CA8: variants seen among roughly 807,000 people sequenced by gnomAD.
The protein encoded by CA8 is carbonic anhydrase 8 (inactive), also known as carbonic anhydrase-related protein.
In CA8, 22 loss-of-function variants were observed where a neutral mutation model predicts 41.4. The observed-to-expected ratio is 0.53, with a 90% CI of 0.38 to 0.76. CA8 has a LOEUF of 0.76. Among genes scored for constraint, CA8 ranks in the 30% least tolerant of loss-of-function variants. The pLI, the probability that CA8 is intolerant of heterozygous loss-of-function variation, is 0.00. For missense variants in CA8, 270 were observed against 352.8 expected (o/e 0.77, Z 1.88); for synonymous variants, 121 against 130.6 (o/e 0.93, Z 0.50).
intron 8 of CA8, among the ~76,000 whole-genome samples, chr8:60,207,432 C>T (rs116061655): frequency 1.2e-4 from 18 of 152,218 alleles, no homozygotes; most frequent in African/African-American, 4.1e-4. Flanking sequence ...GACCAGAGTC[C>T]GCTATTGCAG....
chr8:60,215,358 T>TACACACACACACACACACACAC (rs144232916), intron 7 of CA8, among the ~76,000 whole-genome samples: 1 of 144,102 alleles, frequency 6.9e-6, no homozygotes, highest in Non-Finnish European at 1.5e-5. Context: ...TGTGTGTGTA[T>TACACACACACACACACACACAC]ACACACACAC....
intron 3 of CA8, among the ~76,000 whole-genome samples, chr8:60,254,306 G>A (rs767958350): frequency 6.6e-6 from 1 of 152,184 alleles, no homozygotes; most frequent in Non-Finnish European, 1.5e-5. Flanking sequence ...AAGAGAAAGA[G>A]CAACCACAGA....
chr8:60,201,224 T>A (rs529814424), intron 8 of CA8, among the ~76,000 whole-genome samples: 2 of 152,212 alleles, frequency 1.3e-5, no homozygotes, highest in African/African-American at 4.8e-5. Context: ...TTGACACATC[T>A]AAAAGAAAAG....
chr8:60,234,739 A>T (rs992910411), intron 3 of CA8, among the ~76,000 whole-genome samples: 2 of 152,026 alleles, frequency 1.3e-5, no homozygotes, highest in Non-Finnish European at 2.9e-5. Context: ...TTCAATAACC[A>T]CCTGAGTCTT....
intron 3 of CA8, among the ~76,000 whole-genome samples, chr8:60,245,286 A>C (rs936795663): frequency 6.6e-6 from 1 of 152,182 alleles, no homozygotes; most frequent in African/African-American, 2.4e-5. Flanking sequence ...CAAAAAAAAA[A>C]ATTATCTTAA....
rs377529327 is a variant in CA8, at chr8:60,281,177, C to T, written c.-30G>A. On this transcript the variant is annotated 5_prime_UTR_variant, in exon 1 of 9. Coordinates refer to ENST00000317995, the MANE Select transcript of CA8 (RefSeq NM_004056.6). ...AGGCCGCGGGGCCCCTCGGCGCTCT[C>T]GGCAGCAGTGCCTGCGCCTTCGCTG... is the stretch of plus-strand genomic sequence containing the variant. 2.0e-6 allele frequency: 3 copies of T among 1,480,748 alleles called. No homozygotes were observed. The highest frequency in any genetic ancestry group is 3.9e-5 in the Admixed American group (2 of 50,968). 91.7% of individuals were successfully genotyped at this position (1,480,748 alleles called of 1,614,324 possible).
intron 7 of CA8, among the ~76,000 whole-genome samples, chr8:60,218,083 A>G (rs2130452303): frequency 6.6e-6 from 1 of 152,286 alleles, no homozygotes. Flanking sequence ...ACTTACCGCA[A>G]GCGTTCCCCA....
At chr8:60,232,478 C>A in intron 3 of CA8, 99 bp from the exon 4 acceptor site, 1 of 837,402 alleles carries the variant, frequency 1.2e-6, no homozygotes, top group South Asian at 1.3e-5. Context: ...TATATGGTAT[C>A]ACATACCACA....
chr8:60,252,924 A>T (rs1343864000), intron 3 of CA8, among the ~76,000 whole-genome samples: 2 of 152,160 alleles, frequency 1.3e-5, no homozygotes, highest in African/African-American at 4.8e-5. Flanking sequence ...CTAATTTGAA[A>T]CTGAATGGAA....
At chr8:60,210,954 A>G (rs918152564) in intron 7 of CA8, among the ~76,000 whole-genome samples, 1 of 152,172 alleles carries the variant, frequency 6.6e-6, no homozygotes, top group Non-Finnish European at 1.5e-5. Context: ...AGTTTTCCCT[A>G]AGTACAGAGT....
intron 8 of CA8, among the ~76,000 whole-genome samples, chr8:60,192,896 G>A (rs777230008): frequency 6.7e-6 from 1 of 149,488 alleles, no homozygotes; most frequent in Non-Finnish European, 1.5e-5. Context: ...TTTTCCTATG[G>A]AGAATGAAGA....
chr8:60,191,827 G>A (rs55944022), intron 8 of CA8, among the ~76,000 whole-genome samples: 2,735 of 152,164 alleles, frequency 0.018, 77 homozygotes, highest in African/African-American at 0.06. Context: ...CTAATCATAC[G>A]AGGTCAGGTC....
intron 7 of CA8, among the ~76,000 whole-genome samples, chr8:60,218,104 G>A (rs1017734600): frequency 6.6e-6 from 1 of 152,076 alleles, no homozygotes; most frequent in Non-Finnish European, 1.5e-5. Context: ...AATACACTCT[G>A]CTCTCTGGCC....
intron 3 of CA8, among the ~76,000 whole-genome samples, chr8:60,244,691 T>A (rs961110959): frequency 6.6e-6 from 1 of 152,250 alleles, no homozygotes; most frequent in Non-Finnish European, 1.5e-5. Context: ...GAGTATTTTT[T>A]AAATCCAATT....
At position 60,281,035 on chromosome 8, in the gene CA8, C is replaced by T. The variant is rs1435198765; in HGVS notation, c.100+13G>A. ...CCGCGGGACCCCGGACACCCCGACTCGCGGCCACTTACCTTCCTCGTAGCC... is the reference window on the plus strand; with the variant it reads ...CCGCGGGACCCCGGACACCCCGACTTGCGGCCACTTACCTTCCTCGTAGCC... On this transcript the variant is annotated intron_variant, in intron 1 of 8. Coordinates refer to ENST00000317995, the MANE Select transcript of CA8 (RefSeq NM_004056.6). 2 of 1,596,906 alleles carry T rather than the reference C, an allele frequency of 1.3e-6. No homozygotes were observed. The highest frequency in any genetic ancestry group is 1.7e-6 in the Non-Finnish European group (2 of 1,167,180).
At chr8:60,242,356 G>A (rs1297209082) in intron 3 of CA8, among the ~76,000 whole-genome samples, 1 of 152,098 alleles carries the variant, frequency 6.6e-6, no homozygotes, top group African/African-American at 2.4e-5. Flanking sequence ...AGGAAATGGA[G>A]GTACAGAAAG....
chr8:60,221,408 TG>T (rs1474702283), intron 7 of CA8, among the ~76,000 whole-genome samples: 1 of 152,244 alleles, frequency 6.6e-6, no homozygotes, highest in Non-Finnish European at 1.5e-5. Flanking sequence ...GGTTTCTTTT[TG>T]TTCTTCATTT....
In CA8 at chr8:60,281,236, G is replaced by A; in HGVS notation, c.-89C>T. ...GCTGGAGCCGGAGCGGAGCGCGCGT[G>A]GGGGAGTGTGAGCACGCGTGAGCGG... On this transcript the variant is annotated 5_prime_UTR_variant, in exon 1 of 9. Transcript: ENST00000317995. 2 of 923,208 alleles carry A rather than the reference G, an allele frequency of 2.2e-6. No individual in the cohort carries two copies. Among genetic ancestry groups the A allele is most frequent in the South Asian group, 2.8e-5 (2 of 70,894 alleles). The allele number at this position is 923,208 out of a possible 1,614,324, so 57.2% of individuals were successfully genotyped here.
Position 60,262,058 on chromosome 8 carries a change from A to G in CA8, c.417+3867T>C, listed in dbSNP as rs557421806. 3.3e-5 allele frequency among the ~76,000 whole-genome samples: 5 copies of G among 152,258 alleles called. No homozygotes were observed. The South Asian group carries it at 6.2e-4, about 19-fold the overall frequency. ...ATCCAGAAAAATCTAAATGCCTGAG[A>G]AGCTCTCTTCCCTGGAATTATGAGA... is the stretch of plus-strand genomic sequence containing the variant. On this transcript the variant is annotated intron_variant, in intron 3 of 8. Coordinates refer to ENST00000317995, the MANE Select transcript of CA8 (RefSeq NM_004056.6).
Sources: allele counts gnomAD v4.1 joint callset (sites outside exome capture counted in the v4.1 genomes callset), GRCh38; gene constraint gnomAD v4.1.1; transcripts MANE v1.5; gene names NCBI Gene and HGNC (gene_info 2026-07-23, HGNC 2026-07-21).